The following TUNAR variants were observed in gnomAD, a reference collection of about 807,000 sequenced individuals.
TUNAR encodes the protein protein TUNAR.
chr14:95,882,296 A>G (rs1888992431), intron 2 of TUNAR, among the ~76,000 whole-genome samples: 2 of 152,238 alleles, frequency 1.3e-5, no homozygotes, highest in African/African-American at 2.4e-5. Context: ...TAGAAAATGC[A>G]AGAGTAGCTT....
At chr14:95,912,403 T>G (rs537567604) in intron 2 of TUNAR, among the ~76,000 whole-genome samples, 211 of 152,358 alleles carry the variant, frequency 1.4e-3, no homozygotes, top group Non-Finnish European at 2.6e-3. Flanking sequence ...GACACTGCCT[T>G]TTATTGTAAT....
At chr14:95,915,047 C>T (rs1889579170) in intron 2 of TUNAR, among the ~76,000 whole-genome samples, 1 of 152,214 alleles carries the variant, frequency 6.6e-6, no homozygotes, top group African/African-American at 2.4e-5. Context: ...CCTGACTGAG[C>T]TGTCGGCAGG....
At chr14:95,881,482 A>G (rs1566783973) in intron 2 of TUNAR, among the ~76,000 whole-genome samples, 1 of 152,210 alleles carries the variant, frequency 6.6e-6, no homozygotes. Context: ...ACAGCTTTCA[A>G]AAGAACTGTT....
At chr14:95,903,012 T>C (rs1223383076) in intron 2 of TUNAR, among the ~76,000 whole-genome samples, 1 of 152,134 alleles carries the variant, frequency 6.6e-6, no homozygotes, top group Non-Finnish European at 1.5e-5. Flanking sequence ...GTACCAGACA[T>C]CATGATTGTT....
chr14:95,922,851 G>A, exon 3 of TUNAR: 1 of 399,080 alleles, frequency 2.5e-6, no homozygotes, highest in East Asian at 3.6e-5. Flanking sequence ...GATGAAGACA[G>A]AGGAGGTCAA....
intron 2 of TUNAR, among the ~76,000 whole-genome samples, chr14:95,884,323 C>G (rs1192191826): frequency 6.6e-6 from 1 of 152,148 alleles, no homozygotes; most frequent in Non-Finnish European, 1.5e-5. Context: ...CCTTGCTTCC[C>G]TCTTCATGTC....
At chr14:95,915,178 A>T (rs1889580530) in intron 2 of TUNAR, among the ~76,000 whole-genome samples, 1 of 152,106 alleles carries the variant, frequency 6.6e-6, no homozygotes, top group Non-Finnish European at 1.5e-5. Context: ...AACCTTGAAT[A>T]CCCCTTCTGT....
chr14:95,878,311 AT>A (rs1372228182), intron 2 of TUNAR, among the ~76,000 whole-genome samples: 1 of 152,212 alleles, frequency 6.6e-6, no homozygotes, highest in African/African-American at 2.4e-5. Flanking sequence ...GCTTAAGTGC[AT>A]TTAGTTAACT....
chr14:95,908,618 T>G (rs1044232348), intron 2 of TUNAR, among the ~76,000 whole-genome samples: 1 of 152,212 alleles, frequency 6.6e-6, no homozygotes. Flanking sequence ...TAAGAGAAGT[T>G]AAGAGATTTT....
chr14:95,886,441 A>G (rs1889077377), intron 2 of TUNAR, among the ~76,000 whole-genome samples: 2 of 152,200 alleles, frequency 1.3e-5, no homozygotes, highest in Non-Finnish European at 2.9e-5. Context: ...TTGCTAAGGA[A>G]GAGAGAGAGA....
At chr14:95,884,094 A>G (rs949394885) in intron 2 of TUNAR, among the ~76,000 whole-genome samples, 1 of 151,702 alleles carries the variant, frequency 6.6e-6, no homozygotes, top group African/African-American at 2.4e-5. Context: ...GTCCAAGCCA[A>G]TCGACTCTCT....
chr14:95,894,728 G>T (rs780316371), intron 2 of TUNAR, among the ~76,000 whole-genome samples: 8 of 152,204 alleles, frequency 5.3e-5, no homozygotes, highest in Non-Finnish European at 1.0e-4. Context: ...TCTCCCACAG[G>T]TCAGCCTCCT....
exon 2 of TUNAR, chr14:95,877,108 G>A (rs1203256023): frequency 3.3e-5 from 5 of 152,242 alleles, no homozygotes; most frequent in Non-Finnish European, 7.3e-5. Context: ...CGGCGCTCCG[G>A]GTCCGGGCCG....
intron 2 of TUNAR, among the ~76,000 whole-genome samples, chr14:95,890,715 A>G (rs192672497): frequency 2.0e-5 from 3 of 152,362 alleles, no homozygotes; most frequent in Admixed American, 2.0e-4. Context: ...AGATTGCCCA[A>G]TTTTAATCTG....
intron 2 of TUNAR, among the ~76,000 whole-genome samples, chr14:95,888,570 G>T (rs1463418328): frequency 6.6e-6 from 1 of 152,108 alleles, no homozygotes; most frequent in East Asian, 1.9e-4. Context: ...GGGTGGGAGT[G>T]GGGAGGCTGG....
In TUNAR at chr14:95,892,442, A is replaced by G. The variant is rs537513338; in HGVS notation, c.12+15265A>G. ...ATTGTGTGTTCCGGGGAGCCGGGCCACCTCCGGCTGGATGTGTCGCCTTCC... is the reference window on the plus strand; with the variant it reads ...ATTGTGTGTTCCGGGGAGCCGGGCCGCCTCCGGCTGGATGTGTCGCCTTCC... On this transcript the variant is annotated intron_variant, in intron 2 of 2. Transcript: ENST00000678517. Among the ~76,000 whole-genome samples, 3 of 152,276 alleles carry G rather than the reference A, an allele frequency of 2.0e-5. No individual in the cohort carries two copies. The South Asian group carries it at 6.2e-4, about 32-fold the overall frequency.
At chr14:95,913,110 C>A (rs1889544162) in intron 2 of TUNAR, among the ~76,000 whole-genome samples, 1 of 150,464 alleles carries the variant, frequency 6.6e-6, no homozygotes, top group African/African-American at 2.5e-5. Context: ...TTTTTTTTTA[C>A]CTCATGGTCT....
intron 2 of TUNAR, among the ~76,000 whole-genome samples, chr14:95,917,956 C>A (rs968810869): frequency 6.6e-6 from 1 of 152,060 alleles, no homozygotes; most frequent in Non-Finnish European, 1.5e-5. Context: ...TGTTATCAGC[C>A]AATCCCCACT....
intron 2 of TUNAR, among the ~76,000 whole-genome samples, chr14:95,897,287 C>T (rs1454649119): frequency 6.6e-6 from 1 of 152,202 alleles, no homozygotes; most frequent in African/African-American, 2.4e-5. Context: ...GAATCCACTG[C>T]CGTACTAGTG....
Sources: allele counts gnomAD v4.1 joint callset (sites outside exome capture counted in the v4.1 genomes callset), GRCh38; gene constraint gnomAD v4.1.1; transcripts MANE v1.5; gene names NCBI Gene and HGNC (gene_info 2026-07-23, HGNC 2026-07-21).